The following GALNTL6 variants were observed in gnomAD, a reference collection of about 807,000 sequenced individuals.
GALNTL6 encodes the protein polypeptide N-acetylgalactosaminyltransferase like 6, also known as polypeptide N-acetylgalactosaminyltransferase-like 6.
Under a neutral mutation model 73.7 loss-of-function variants are expected in GALNTL6, and 46 were observed. The observed-to-expected ratio is 0.62, with a 90% CI of 0.49 to 0.80. The LOEUF (loss-of-function observed/expected upper bound fraction) is 0.80, where lower values mean the gene tolerates loss of function less well. Ranked by LOEUF, GALNTL6 falls within the 30% of genes least tolerant of loss-of-function variation. The probability of loss-of-function intolerance (pLI) is 0.00; values close to 1 mark genes in which losing one functional copy is unlikely to be tolerated. For synonymous variants in GALNTL6, 259 were observed against 263.7 expected, an observed-to-expected ratio of 0.98 and a Z score of 0.17; for missense variants, 604 against 755.0, an observed-to-expected ratio of 0.80 and a Z score of 2.34.
intron 8 of GALNTL6, among the ~76,000 whole-genome samples, chr4:172,907,560 T>G (rs1248996655): frequency 6.6e-6 from 1 of 152,236 alleles, no homozygotes; most frequent in African/African-American, 2.4e-5. Context: ...TGCAAAATAC[T>G]TAATACAGTA....
At chr4:172,314,131 T>G (rs934944392) in intron 4 of GALNTL6, among the ~76,000 whole-genome samples, 4 of 152,352 alleles carry the variant, frequency 2.6e-5, no homozygotes, top group Admixed American at 6.5e-5. Flanking sequence ...AAGATCAACT[T>G]GTGACATATT....
At chr4:172,164,218 A>G (rs140565732) in intron 2 of GALNTL6, among the ~76,000 whole-genome samples, 183 of 152,210 alleles carry the variant, frequency 1.2e-3, no homozygotes, top group African/African-American at 3.7e-3. Flanking sequence ...GTTTCAAACA[A>G]AAAACAGACC....
chr4:172,969,548 A>C (rs1750478707), intron 10 of GALNTL6, among the ~76,000 whole-genome samples: 1 of 152,252 alleles, frequency 6.6e-6, no homozygotes, highest in Admixed American at 6.5e-5. Context: ...TTGTATTGTT[A>C]AAACAAGAAA....
intron 3 of GALNTL6, among the ~76,000 whole-genome samples, chr4:172,252,894 A>G (rs919950474): frequency 2.0e-5 from 3 of 152,006 alleles, no homozygotes; most frequent in African/African-American, 7.2e-5. Context: ...TTAAGGAAAA[A>G]AAAACACTAA....
intron 5 of GALNTL6, among the ~76,000 whole-genome samples, chr4:172,467,846 C>CTT (rs1554027349): frequency 6.9e-6 from 1 of 145,082 alleles, no homozygotes; most frequent in Admixed American, 7.0e-5. Flanking sequence ...TTCTTTCTTT[C>CTT]TTTCTTTCTT....
At chr4:172,710,461 G>A (rs1379527945) in intron 5 of GALNTL6, among the ~76,000 whole-genome samples, 1 of 152,052 alleles carries the variant, frequency 6.6e-6, no homozygotes, top group African/African-American at 2.4e-5. Context: ...TATAAATCAA[G>A]TTTTCCCACC....
At chr4:172,558,060 C>A (rs1255166228) in intron 5 of GALNTL6, among the ~76,000 whole-genome samples, 1 of 151,848 alleles carries the variant, frequency 6.6e-6, no homozygotes, top group African/African-American at 2.4e-5. Flanking sequence ...TACTACTAAA[C>A]AATATAAAAT....
chr4:172,285,133 T>C (rs892162607), intron 3 of GALNTL6, among the ~76,000 whole-genome samples: 2 of 152,216 alleles, frequency 1.3e-5, no homozygotes, highest in Non-Finnish European at 2.9e-5. Flanking sequence ...TTTGTAGTTC[T>C]CTTTAGATCT....
At chr4:172,710,923 G>T (rs1734665383) in intron 5 of GALNTL6, among the ~76,000 whole-genome samples, 1 of 152,042 alleles carries the variant, frequency 6.6e-6, no homozygotes, top group African/African-American at 2.4e-5. Flanking sequence ...AATAGTTATT[G>T]AGCTCCCATT....
chr4:172,487,670 G>T (rs962536129), intron 5 of GALNTL6, among the ~76,000 whole-genome samples: 1 of 152,100 alleles, frequency 6.6e-6, no homozygotes, highest in African/African-American at 2.4e-5. Context: ...TTACAGGTGT[G>T]AGCCACCACA....
chr4:172,762,350 C>A (rs1173750701), intron 5 of GALNTL6, among the ~76,000 whole-genome samples: 1 of 151,782 alleles, frequency 6.6e-6, no homozygotes, highest in Non-Finnish European at 1.5e-5. Flanking sequence ...TGGCTGTATG[C>A]CATTTAATTT....
chr4:172,552,858 G>GAAAAAAC (rs1553960385), intron 5 of GALNTL6, among the ~76,000 whole-genome samples: 3 of 119,972 alleles, frequency 2.5e-5, no homozygotes, highest in Admixed American at 9.2e-5. Context: ...AAAAAAAAAA[G>GAAAAAAC]GTAAAAACCG....
At chr4:171,854,072 T>C (rs1371341310) in intron 2 of GALNTL6, among the ~76,000 whole-genome samples, 1 of 152,150 alleles carries the variant, frequency 6.6e-6, no homozygotes, top group Non-Finnish European at 1.5e-5. Context: ...GACTATTCAT[T>C]GTGAAATATA....
chr4:172,237,942 CTATG>C (rs1468343570), intron 3 of GALNTL6, among the ~76,000 whole-genome samples: 1 of 152,046 alleles, frequency 6.6e-6, no homozygotes. Flanking sequence ...TTCCATTGGT[CTATG>C]TGTCTATTTT....
At chr4:171,894,719 G>T (rs896056781) in intron 2 of GALNTL6, among the ~76,000 whole-genome samples, 20 of 152,122 alleles carry the variant, frequency 1.3e-4, no homozygotes, top group Non-Finnish European at 2.8e-4. Context: ...TGACAAAGTT[G>T]ATACTGAATC....
intron 8 of GALNTL6, among the ~76,000 whole-genome samples, chr4:172,889,641 G>A (rs1292638234): frequency 6.6e-6 from 1 of 152,118 alleles, no homozygotes; most frequent in Non-Finnish European, 1.5e-5. Context: ...TTGATGTGCT[G>A]CTGAATTTGG....
In GALNTL6 at chr4:172,809,670, G is replaced by T; in HGVS notation, c.739+124G>T. The T allele has an allele frequency of 1.5e-6, 1 of 665,006 alleles. No individual in the cohort carries two copies. Among genetic ancestry groups the T allele is most frequent in the East Asian group, 2.9e-5 (1 of 34,490 alleles). 41.2% of individuals were successfully genotyped at this position (665,006 alleles called of 1,614,324 possible). ...CTACAAGTTTTCCAGGGGAAGCCTTGAATTTTATATTTACCACTGCTGAAA... is the reference window on the plus strand; with the variant it reads ...CTACAAGTTTTCCAGGGGAAGCCTTTAATTTTATATTTACCACTGCTGAAA... On this transcript the variant is annotated intron_variant, in intron 6 of 12. Transcript: ENST00000506823. This position sits in a 1 kb window ranked among gnomAD's most constrained non-coding sequence, Gnocchi z 4.4.
At chr4:172,003,222 G>T (rs192112508) in intron 2 of GALNTL6, among the ~76,000 whole-genome samples, 7 of 151,940 alleles carry the variant, frequency 4.6e-5, no homozygotes, top group African/African-American at 1.4e-4. Flanking sequence ...AAAACTCTTT[G>T]GAGTAATACT....
At chr4:172,206,845 TCTCA>T (rs1262067210) in intron 2 of GALNTL6, among the ~76,000 whole-genome samples, 1 of 112,388 alleles carries the variant, frequency 8.9e-6, no homozygotes, top group Non-Finnish European at 1.7e-5. Context: ...TGAGACGGAG[TCTCA>T]CTCTGTCGCC....
Sources: allele counts gnomAD v4.1 joint callset (sites outside exome capture counted in the v4.1 genomes callset), GRCh38; gene constraint gnomAD v4.1.1; non-coding constraint Gnocchi (gnomAD v3.1); transcripts MANE v1.5; gene names NCBI Gene and HGNC (gene_info 2026-07-23, HGNC 2026-07-21).